ARAP2: variants seen among roughly 807,000 people sequenced by gnomAD.
ARAP2 encodes the protein ArfGAP with RhoGAP domain, ankyrin repeat and PH domain 2.
A neutral mutation model predicts 194.5 loss-of-function variants in ARAP2; 148 were observed. The observed-to-expected ratio is 0.76, with a 90% CI of 0.67 to 0.87. The LOEUF (loss-of-function observed/expected upper bound fraction) is 0.87, where lower values mean the gene tolerates loss of function less well. ARAP2 is among the 40% of genes least tolerant of loss of function. The pLI, the probability that ARAP2 is intolerant of heterozygous loss-of-function variation, is 0.00. For synonymous variants in ARAP2, 695 were observed against 683.5 expected, an observed-to-expected ratio of 1.02 and a Z score of -0.26; for missense variants, 2,128 against 1,989.7, an observed-to-expected ratio of 1.07 and a Z score of -1.32.
intron 27 of ARAP2, among the ~76,000 whole-genome samples, chr4:36,106,478 T>A (rs1560442222): frequency 6.6e-6 from 1 of 151,700 alleles, no homozygotes; most frequent in Non-Finnish European, 1.5e-5. Flanking sequence ...ATGTAAGATA[T>A]AAAAGACAGT....
chr4:36,184,178 C>T (rs529758284), intron 8 of ARAP2, among the ~76,000 whole-genome samples: 26 of 152,026 alleles, frequency 1.7e-4, no homozygotes, highest in Admixed American at 1.6e-3. Flanking sequence ...CTTAATAATA[C>T]TTTATTAATA....
Position 36,122,748 on chromosome 4 carries a change from A to T in ARAP2, c.3747-1422T>A, listed in dbSNP as rs111895269. ...AACAAACCTACACACTGTACCCCTG[A>T]ACTTAAAAGTTTACAAAAAAAACCA... On this transcript the variant is annotated intron_variant, in intron 22 of 32. Transcript: ENST00000303965. Among the ~76,000 whole-genome samples, 511 of 151,878 alleles carry T rather than the reference A, an allele frequency of 3.4e-3. 1 individual carries two copies. The highest frequency in any genetic ancestry group is 6.0e-3 in the Non-Finnish European group (408 of 67,844).
rs73123486 is a variant in ARAP2 at position 36,089,381 on chromosome 4, A to T, written c.4425+2500T>A. 2.6e-3 allele frequency among the ~76,000 whole-genome samples: 392 copies of T among 152,252 alleles called. 5 individuals carry two copies. The highest frequency in any genetic ancestry group is 8.8e-3 in the African/African-American group (367 of 41,574). On this transcript the variant is annotated intron_variant, in intron 28 of 32. Transcript: ENST00000303965. ...GTGGACATTTGGAATGCTTCCAGTT[A>T]TCAGCTTTTATGAATAAATCTGCTT...
chr4:36,106,666 T>A (rs1471831222), intron 27 of ARAP2, among the ~76,000 whole-genome samples: 1 of 151,932 alleles, frequency 6.6e-6, no homozygotes, highest in East Asian at 1.9e-4. Flanking sequence ...AGTTCTTCAA[T>A]TCAATACTTA....
chr4:36,068,276 A>T lies in ARAP2; in HGVS notation c.4746T>A (p.Ser1582Arg). ...NATLARKNIE[S>R]ARAELERLRL... is the part of the protein sequence containing the mutation. ...GCAGCCTTTCAAGTTCTGCTCTTGCACTCTAAAAATAAAATTAAATGTCTC... is the reference window on the plus strand; with the variant it reads ...GCAGCCTTTCAAGTTCTGCTCTTGCTCTCTAAAAATAAAATTAAATGTCTC... The change falls in exon 33 of 33, where the codon AGT becomes AGA. Residue 1582 changes from serine to arginine, a missense_variant and splice_region_variant. Ser to Arg is a moderately radical substitution (Grantham distance 110, BLOSUM62 -1). Transcript: ENST00000303965. The T allele has an allele frequency of 6.6e-7, 1 of 1,522,076 alleles. No individual in the cohort carries two copies. Among genetic ancestry groups the T allele is most frequent in the Admixed American group, 2.3e-5 (1 of 43,922 alleles). The allele number at this position is 1,522,076 out of a possible 1,614,324, so 94.3% of individuals were successfully genotyped here.
chr4:36,057,256 A>T (rs1723677292), intron 2 of ARAP2, among the ~76,000 whole-genome samples: 1 of 145,968 alleles, frequency 6.9e-6, no homozygotes, highest in African/African-American at 2.5e-5. Context: ...TATTGTTATT[A>T]CTCTAAGTTT....
intron 9 of ARAP2, among the ~76,000 whole-genome samples, chr4:36,169,735 T>A (rs969655362): frequency 5.9e-5 from 9 of 152,156 alleles, no homozygotes; most frequent in Admixed American, 1.3e-4. Flanking sequence ...GGTTTCACCA[T>A]GTTGGCCAAG....
chr4:36,198,281 C>T (rs980053057), intron 6 of ARAP2, among the ~76,000 whole-genome samples: 4 of 152,130 alleles, frequency 2.6e-5, no homozygotes, highest in East Asian at 1.9e-4. Context: ...CTGGCTGATC[C>T]GGGGGCTTTT....
chr4:36,134,760 A>ACACC (rs1553915268), intron 19 of ARAP2, among the ~76,000 whole-genome samples: 39,050 of 149,370 alleles, frequency 0.26, 5,939 homozygotes, highest in East Asian at 0.44. Context: ...ACACACACAC[A>ACACC]CCCTCCTGGA....
chr4:36,166,996 C>T lies in ARAP2; in HGVS notation c.1909G>A (p.Val637Ile). Residue 637 changes from valine to isoleucine, a missense_variant, in exon 10 of 33, where the codon GTA (valine) becomes ATA (isoleucine). Val to Ile is a conservative substitution (Grantham distance 29, BLOSUM62 3). Transcript: ENST00000303965. The stretch of plus-strand genomic sequence containing the variant: ...TTCACAGTTCGGTCCACTTGCTTTA[C>T]ATTTGCTACATTCATAGGAATTATG... ...ITIIPMNVAN[V>I]KQVDRTVKQS... The T allele has an allele frequency of 1.2e-6, 2 of 1,608,600 alleles. No individual in the cohort carries two copies. The highest frequency in any genetic ancestry group is 1.7e-6 in the Non-Finnish European group (2 of 1,177,900).
chr4:36,236,282 C>A (rs1241928835), intron 1 of ARAP2, among the ~76,000 whole-genome samples: 2 of 151,970 alleles, frequency 1.3e-5, no homozygotes, highest in Non-Finnish European at 2.9e-5. Flanking sequence ...CTCCCCATTA[C>A]CCATTACCAG....
At chr4:36,168,136 T>TTC (rs1244967942) in intron 9 of ARAP2, among the ~76,000 whole-genome samples, 1 of 152,172 alleles carries the variant, frequency 6.6e-6, no homozygotes, top group Non-Finnish European at 1.5e-5. Flanking sequence ...AAGAAGTGTA[T>TTC]TCTCCTCTCC....
Position 36,161,172 on chromosome 4 carries a change from C to T in ARAP2, c.2259+293G>A, listed in dbSNP as rs7656957. ...ACACACACACACACACACACACACA[C>T]ACACACACACACACACATATACAGT... is the stretch of plus-strand genomic sequence containing the variant. On this transcript the variant is annotated intron_variant, in intron 12 of 32. Transcript: ENST00000303965. Among the ~76,000 whole-genome samples the T allele has an allele frequency of 0.82, 123,259 of 150,638 alleles. 50,408 individuals carry two copies. Among genetic ancestry groups the T allele is most frequent in the East Asian group, 0.91 (4,707 of 5,152 alleles).
chr4:36,093,937 G>A (rs1714468693), intron 27 of ARAP2, among the ~76,000 whole-genome samples: 1 of 152,116 alleles, frequency 6.6e-6, no homozygotes, highest in Admixed American at 6.6e-5. Flanking sequence ...AGAAACTGAG[G>A]AATTTTACAA....
intron 15 of ARAP2, among the ~76,000 whole-genome samples, chr4:36,151,751 T>C (rs549368538): frequency 1.3e-5 from 2 of 152,234 alleles, no homozygotes; most frequent in South Asian, 4.2e-4. Flanking sequence ...TAAGTGTGCA[T>C]ATAAAGTGTG....
intron 6 of ARAP2, among the ~76,000 whole-genome samples, chr4:36,207,778 G>GT (rs1186886871): frequency 1.3e-5 from 2 of 151,182 alleles, no homozygotes; most frequent in Non-Finnish European, 2.9e-5. Flanking sequence ...GGAAACAATT[G>GT]TTAAAAAAAA....
chr4:36,126,485 G>A (rs544887481), intron 21 of ARAP2, among the ~76,000 whole-genome samples: 41 of 152,108 alleles, frequency 2.7e-4, no homozygotes, highest in Middle Eastern at 3.4e-3. Flanking sequence ...CAGATCATAT[G>A]TCATATAAAT....
Position 36,244,459 on chromosome 4 carries a change from C to T in ARAP2, c.-440G>A, listed in dbSNP as rs1379718760. On this transcript the variant is annotated 5_prime_UTR_variant, in exon 1 of 33. Coordinates refer to ENST00000303965, the MANE Select transcript of ARAP2 (RefSeq NM_015230.4). ...CGCTCAGCTCCGGAAACGCCGAGCC[C>T]GGCGCCCGCGCCTTGCTCAGGTGCT... 2.0e-5 allele frequency: 3 copies of T among 150,692 alleles called. No individual in the cohort carries two copies. Among genetic ancestry groups the T allele is most frequent in the African/African-American group, 7.3e-5 (3 of 41,356 alleles). The allele number at this position is 150,692 out of a possible 1,614,324, so 9.3% of individuals were successfully genotyped here. A position where few individuals can be genotyped will look rare whatever the true frequency, so the allele number is the denominator to read the frequency against.
intron 26 of ARAP2, among the ~76,000 whole-genome samples, chr4:36,110,277 C>G (rs1279473075): frequency 6.6e-6 from 1 of 151,884 alleles, no homozygotes; most frequent in African/African-American, 2.4e-5. Flanking sequence ...TCTGCCCTGT[C>G]CACATAATCA....
Sources: allele counts gnomAD v4.1 joint callset (sites outside exome capture counted in the v4.1 genomes callset), GRCh38; gene constraint gnomAD v4.1.1; transcripts MANE v1.5; gene names NCBI Gene and HGNC (gene_info 2026-07-23, HGNC 2026-07-21).